The following CMIP variants were observed in gnomAD, a reference collection of about 807,000 sequenced individuals.
CMIP encodes c-Maf inducing protein.
Under a neutral mutation model 97.3 loss-of-function variants are expected in CMIP, and 13 were observed. The observed-to-expected ratio is 0.13, with a 90% CI of 0.09 to 0.21. The LOEUF is 0.21. Among genes scored for constraint, CMIP ranks in the 10% least tolerant of loss-of-function variants. The pLI, the probability that CMIP is intolerant of heterozygous loss-of-function variation, is 1.00. For missense variants in CMIP, 847 were observed against 1,024.9 expected (o/e 0.83, Z 2.37); for synonymous variants, 538 against 436.3 (o/e 1.23, Z -2.91).
At chr16:81,466,042 TG>T (rs1372102664) in intron 1 of CMIP, among the ~76,000 whole-genome samples, 1 of 83,814 alleles carries the variant, frequency 1.2e-5, no homozygotes, top group Non-Finnish European at 2.3e-5. Context: ...TGTTTTCATT[TG>T]TTTTTTTTTT....
chr16:81,475,952 G>A (rs1907883484), intron 1 of CMIP: 4 of 435,710 alleles, frequency 9.2e-6, no homozygotes, highest in East Asian at 1.1e-4. Context: ...GCTCCACTGC[G>A]CTCCAGCGTG....
chr16:81,629,740 G>T (rs2092128112), intron 3 of CMIP, among the ~76,000 whole-genome samples: 1 of 152,232 alleles, frequency 6.6e-6, no homozygotes, highest in African/African-American at 2.4e-5. Context: ...AGACATCCCA[G>T]TGCCGTGCCA....
intron 1 of CMIP, among the ~76,000 whole-genome samples, chr16:81,530,343 T>C (rs1274941495): frequency 6.6e-6 from 1 of 152,200 alleles, no homozygotes; most frequent in African/African-American, 2.4e-5. Flanking sequence ...TCCGGATCCC[T>C]CAGGGACCTA....
chr16:81,565,883 G>A (rs980475576), intron 1 of CMIP, among the ~76,000 whole-genome samples: 5 of 152,192 alleles, frequency 3.3e-5, no homozygotes, highest in South Asian at 4.1e-4. Context: ...TTGGGCTGGC[G>A]CTTGGGGAGC....
intron 1 of CMIP, among the ~76,000 whole-genome samples, chr16:81,455,786 C>T (rs1329569070): frequency 6.6e-6 from 1 of 152,176 alleles, no homozygotes; most frequent in Non-Finnish European, 1.5e-5. Flanking sequence ...ACTCCAAATC[C>T]CAGGCCTGAG....
intron 1 of CMIP, among the ~76,000 whole-genome samples, chr16:81,525,579 A>G (rs1027271674): frequency 1.3e-5 from 2 of 152,160 alleles, no homozygotes; most frequent in African/African-American, 2.4e-5. Flanking sequence ...CTGGGCTCAA[A>G]TGGTTCTCCT....
intron 17 of CMIP, 105 bp from the exon 18 acceptor site, chr16:81,703,834 G>A: frequency 7.0e-7 from 1 of 1,430,986 alleles, no homozygotes; most frequent in Admixed American, 2.3e-5. Context: ...CCCAGGAACA[G>A]CTCTCTGTAG....
chr16:81,599,344 G>A (rs1017513862), intron 1 of CMIP, among the ~76,000 whole-genome samples: 10 of 152,172 alleles, frequency 6.6e-5, no homozygotes, highest in South Asian at 2.1e-4. Flanking sequence ...GGATCATATC[G>A]TTACCTGCCA....
chr16:81,563,620 G>A (rs751517880), intron 1 of CMIP, among the ~76,000 whole-genome samples: 5 of 152,166 alleles, frequency 3.3e-5, no homozygotes, highest in Admixed American at 6.5e-5. Context: ...AAGGTGGTTC[G>A]GGTTCCATAT....
rs879827008 is a variant in CMIP, at chr16:81,500,256, G to GTCCTTCCTTCCTTCCTTCCTTCCT, written c.300+54730_300+54731insTTCCTTCCTTCCTTCCTTCCTTCC. On this transcript the variant is annotated intron_variant, in intron 1 of 20. Coordinates refer to ENST00000537098, the MANE Select transcript of CMIP (RefSeq NM_198390.3). ...TATCAAAATTTCCTTCCTTCCTTCC[G>GTCCTTCCTTCCTTCCTTCCTTCCT]TCCTTCCTTCCTTCCGTCCTTCCTT... is the stretch of plus-strand genomic sequence containing the variant. 1.2e-4 allele frequency among the ~76,000 whole-genome samples: 13 copies of GTCCTTCCTTCCTTCCTTCCTTCCT among 109,678 alleles called. No individual in the cohort carries two copies. The East Asian group carries it at 4.3e-3, about 36-fold the overall frequency. 72.0% of individuals were successfully genotyped at this position (109,678 alleles called of 152,430 possible).
In CMIP at chr16:81,583,741, C is replaced by T. The variant is rs573809834; in HGVS notation, c.301-23826C>T. Among the ~76,000 whole-genome samples the T allele has an allele frequency of 3.2e-4, 48 of 152,202 alleles. 1 individual carries two copies. The highest frequency in any genetic ancestry group is 1.1e-3 in the African/African-American group (44 of 41,536). On this transcript the variant is annotated intron_variant, in intron 1 of 20. Transcript: ENST00000537098. The stretch of plus-strand genomic sequence containing the variant: ...TAGATACCCCTTTCCCAAGTGGTTT[C>T]TGGGAAAGACGAGAGCATCTGAAAG...
At chr16:81,522,909 A>G (rs1289349734) in intron 1 of CMIP, among the ~76,000 whole-genome samples, 2 of 152,138 alleles carry the variant, frequency 1.3e-5, no homozygotes, top group East Asian at 3.8e-4. Context: ...AACAATATAT[A>G]ACATTTCTTT....
At chr16:81,661,705 A>G (rs1332429714) in intron 6 of CMIP, among the ~76,000 whole-genome samples, 1 of 152,146 alleles carries the variant, frequency 6.6e-6, no homozygotes, top group African/African-American at 2.4e-5. Context: ...CCTGGGAGGA[A>G]AGGGGGCTGT....
At position 81,645,334 on chromosome 16, in the gene CMIP, G is replaced by T. The variant is rs937893976; in HGVS notation, c.478-6869G>T. On this transcript the variant is annotated intron_variant, in intron 3 of 20. Transcript: ENST00000537098. Reference sequence around the variant, plus strand: ...GCAGCGTCCTCTCTTCACGACAGGTGGTGGGGAGCATGCGTGCTTGGGTGT... The same window carrying T: ...GCAGCGTCCTCTCTTCACGACAGGTTGTGGGGAGCATGCGTGCTTGGGTGT... The T allele has an allele frequency of 2.2e-6, 3 of 1,375,610 alleles. No individual in the cohort carries two copies. In the African/African-American group the frequency reaches 4.4e-5, roughly 20 times the overall value. 85.2% of individuals were successfully genotyped at this position (1,375,610 alleles called of 1,614,324 possible).
At chr16:81,645,321 C>G (rs974009957) in intron 3 of CMIP, 1 of 1,336,282 alleles carries the variant, frequency 7.5e-7, no homozygotes, top group African/African-American at 1.5e-5. Flanking sequence ...AGCGTCCTCT[C>G]TTCACGACAG....
At chr16:81,591,830 C>CT (rs67448056) in intron 1 of CMIP, among the ~76,000 whole-genome samples, 12,420 of 142,062 alleles carry the variant, frequency 0.087, 1,016 homozygotes, top group African/African-American at 0.21. Flanking sequence ...TTCTTTCTTT[C>CT]TTTTTTTTTT....
At chr16:81,510,073 G>A (rs2089781916) in intron 1 of CMIP, among the ~76,000 whole-genome samples, 1 of 152,178 alleles carries the variant, frequency 6.6e-6, no homozygotes, top group South Asian at 2.1e-4. Context: ...CTTTAATGGG[G>A]CGTTTGGCAA....
At chr16:81,534,665 G>A (rs550356666) in intron 1 of CMIP, among the ~76,000 whole-genome samples, 2 of 151,500 alleles carry the variant, frequency 1.3e-5, no homozygotes, top group Admixed American at 6.6e-5. Context: ...CAAAACTATA[G>A]AACTGTAAAA....
chr16:81,565,159 C>CGGCCAAGG (rs1298969930), intron 1 of CMIP, among the ~76,000 whole-genome samples: 2 of 152,118 alleles, frequency 1.3e-5, no homozygotes, highest in Admixed American at 1.3e-4. Context: ...AGCCCTCCTT[C>CGGCCAAGG]GGCCAAGGGA....
Sources: allele counts gnomAD v4.1 joint callset (sites outside exome capture counted in the v4.1 genomes callset), GRCh38; gene constraint gnomAD v4.1.1; transcripts MANE v1.5; gene names NCBI Gene and HGNC (gene_info 2026-07-23, HGNC 2026-07-21).